ZNRF1: variants seen among roughly 807,000 people sequenced by gnomAD.
The protein encoded by ZNRF1 is E3 ubiquitin-protein ligase ZNRF1.
Under a neutral mutation model 18.4 loss-of-function variants are expected in ZNRF1, and 3 were observed. The observed-to-expected ratio is 0.16, with a 90% CI of 0.07 to 0.42. The LOEUF is 0.42. ZNRF1 is among the 10% of genes least tolerant of loss of function. The pLI is 0.99. For synonymous variants in ZNRF1, 157 were observed against 144.2 expected, an observed-to-expected ratio of 1.09 and a Z score of -0.64; for missense variants, 310 against 329.8, an observed-to-expected ratio of 0.94 and a Z score of 0.47.
intron 1 of ZNRF1, among the ~76,000 whole-genome samples, chr16:75,057,178 G>T (rs2035679780): frequency 6.6e-6 from 1 of 152,158 alleles, no homozygotes; most frequent in Admixed American, 6.5e-5. Context: ...CCCCCACCCT[G>T]CCGTCCTGCT....
chr16:75,091,174 T>G (rs2036134155), intron 1 of ZNRF1, among the ~76,000 whole-genome samples: 1 of 152,052 alleles, frequency 6.6e-6, no homozygotes, highest in African/African-American at 2.4e-5. Flanking sequence ...GTCTAGCCAA[T>G]GTGGCGAAAC....
At chr16:75,066,277 A>T (rs900765285) in intron 1 of ZNRF1, among the ~76,000 whole-genome samples, 1 of 152,234 alleles carries the variant, frequency 6.6e-6, no homozygotes, top group Admixed American at 6.5e-5. Flanking sequence ...GAGGACATAT[A>T]TCACAAATAC....
chr16:75,059,892 C>A lies in ZNRF1; in HGVS notation c.425-33680C>A, dbSNP rs572696596. 1.1e-4 allele frequency among the ~76,000 whole-genome samples: 16 copies of A among 152,280 alleles called. No homozygotes were observed. In the South Asian group the frequency reaches 2.5e-3, roughly 24 times the overall value. On this transcript the variant is annotated intron_variant, in intron 1 of 4. Transcript: ENST00000335325. ...CCTTCATCTCATTTCTCTCTTCACT[C>A]CTTTACAAAGTCTAGGGGATCAGAC...
chr16:75,104,584 A>G (rs1288350499), intron 2 of ZNRF1, 200 bp from the exon 3 acceptor site: 5 of 465,598 alleles, frequency 1.1e-5, no homozygotes, highest in Non-Finnish European at 1.2e-5. Context: ...TCTTTGGGTA[A>G]TTAACATGTG....
chr16:75,017,294 C>G lies in ZNRF1; in HGVS notation c.424+17199C>G, dbSNP rs538359346. Among the ~76,000 whole-genome samples the G allele has an allele frequency of 5.9e-5, 9 of 152,180 alleles. No individual in the cohort carries two copies. In the East Asian group the frequency reaches 1.7e-3, roughly 29 times the overall value. ...GAATTAAATTGAGTTTATCAATAAG[C>G]CATTTTTGTAAATTTGGGCTTATCC... is the stretch of plus-strand genomic sequence containing the variant. On this transcript the variant is annotated intron_variant, in intron 1 of 4. Transcript: ENST00000335325.
intron 1 of ZNRF1, among the ~76,000 whole-genome samples, chr16:75,030,957 C>T (rs745532201): frequency 1.1e-4 from 16 of 151,024 alleles, no homozygotes; most frequent in Non-Finnish European, 2.2e-4. Context: ...TCTTCCTCAG[C>T]CTCCTAAATA....
rs199605180 is a variant in ZNRF1 at position 75,108,603 on chromosome 16, CA to C, written c.*912del. ...GTTTCTGTATTTATATATTAAAATA[CA>C]AAAAAAAACTTATAAAATGTTTAAA... On this transcript the variant is annotated 3_prime_UTR_variant, in exon 5 of 5. Transcript: ENST00000335325. The C allele has an allele frequency of 5.3e-5, 21 of 395,400 alleles. No homozygotes were observed. The highest frequency in any genetic ancestry group is 6.2e-5 in the African/African-American group (3 of 48,138). 24.5% of individuals were successfully genotyped at this position (395,400 alleles called of 1,614,324 possible).
intron 1 of ZNRF1, among the ~76,000 whole-genome samples, chr16:75,023,541 G>A (rs2035181615): frequency 6.6e-6 from 1 of 152,056 alleles, no homozygotes; most frequent in South Asian, 2.1e-4. Flanking sequence ...AAAATTAGTT[G>A]GGCGTGGTGG....
intron 4 of ZNRF1, chr16:75,107,407 G>T: frequency 5.1e-6 from 1 of 195,686 alleles, no homozygotes; most frequent in Non-Finnish European, 1.1e-5. Flanking sequence ...TCTTGCTTTC[G>T]TTTTCTTTTG....
At chr16:75,097,444 T>C (rs987379222) in intron 2 of ZNRF1, among the ~76,000 whole-genome samples, 4 of 152,140 alleles carry the variant, frequency 2.6e-5, no homozygotes, top group Non-Finnish European at 5.9e-5. Context: ...GCTTCTTATG[T>C]CATGATGCCC....
intron 1 of ZNRF1, among the ~76,000 whole-genome samples, chr16:75,018,144 T>C (rs2035095105): frequency 1.3e-5 from 2 of 152,350 alleles, no homozygotes; most frequent in African/African-American, 2.4e-5. Context: ...AAGTGATCAG[T>C]AATGTAAGCT....
chr16:75,012,741 C>A (rs1252564781), intron 1 of ZNRF1, among the ~76,000 whole-genome samples: 2 of 152,162 alleles, frequency 1.3e-5, no homozygotes, highest in Non-Finnish European at 2.9e-5. Context: ...TTTCTCGGGA[C>A]TCATGTCTGA....
At chr16:75,014,109 G>T (rs959444744) in intron 1 of ZNRF1, among the ~76,000 whole-genome samples, 7 of 152,194 alleles carry the variant, frequency 4.6e-5, no homozygotes, top group African/African-American at 1.7e-4. Context: ...GGGATTAGAG[G>T]TGTGAGCTGC....
chr16:75,031,280 C>T (rs1366600586), intron 1 of ZNRF1, among the ~76,000 whole-genome samples: 1 of 151,788 alleles, frequency 6.6e-6, no homozygotes, highest in South Asian at 2.1e-4. Flanking sequence ...TACAGGCGTG[C>T]ACCACCAAAC....
intron 1 of ZNRF1, among the ~76,000 whole-genome samples, chr16:75,078,513 G>A (rs979646009): frequency 2.6e-5 from 4 of 152,072 alleles, no homozygotes; most frequent in Admixed American, 6.5e-5. Flanking sequence ...TGGTCAGGCT[G>A]GTCTCGAACT....
chr16:75,100,513 G>A (rs2036243800), intron 2 of ZNRF1, among the ~76,000 whole-genome samples: 2 of 152,284 alleles, frequency 1.3e-5, no homozygotes, highest in African/African-American at 2.4e-5. Flanking sequence ...ATCACCTCCT[G>A]GGGGGCGATG....
intron 1 of ZNRF1, among the ~76,000 whole-genome samples, chr16:75,006,128 G>A (rs2034914178): frequency 6.6e-6 from 1 of 152,128 alleles, no homozygotes; most frequent in Non-Finnish European, 1.5e-5. Flanking sequence ...ATGCATGTAG[G>A]GTGGTGCGTC....
At chr16:75,040,042 C>CTTTTTTTTTTTTTTTTTTTTTTTTT (rs57122648) in intron 1 of ZNRF1, among the ~76,000 whole-genome samples, 1 of 78,890 alleles carries the variant, frequency 1.3e-5, no homozygotes, top group African/African-American at 5.5e-5. Flanking sequence ...TCTTTTCTTT[C>CTTTTTTTTTTTTTTTTTTTTTTTTT]TTTTTTTTTT....
chr16:75,085,842 G>A (rs1334936451), intron 1 of ZNRF1, among the ~76,000 whole-genome samples: 4 of 152,060 alleles, frequency 2.6e-5, no homozygotes, highest in African/African-American at 7.2e-5. Context: ...GTGTGTGTGT[G>A]TAGAGATTTA....
Sources: allele counts gnomAD v4.1 joint callset (sites outside exome capture counted in the v4.1 genomes callset), GRCh38; gene constraint gnomAD v4.1.1; transcripts MANE v1.5; gene names NCBI Gene and HGNC (gene_info 2026-07-23, HGNC 2026-07-21).